The following COL12A1 variants were observed in gnomAD, a reference collection of about 807,000 sequenced individuals.
COL12A1 encodes the protein collagen type XII alpha 1 chain.
Under a neutral mutation model 349.7 loss-of-function variants are expected in COL12A1, and 114 were observed. That is an observed-to-expected ratio of 0.33 (90% CI 0.28 to 0.38). The LOEUF is 0.38. Ranked by LOEUF, COL12A1 falls within the 10% of genes least tolerant of loss-of-function variation. The pLI is 1.00. For missense variants in COL12A1, 3,284 were observed against 3,756.9 expected, an observed-to-expected ratio of 0.87 and a Z score of 3.29; for synonymous variants, 1,369 against 1,329.0, an observed-to-expected ratio of 1.03 and a Z score of -0.66.
intron 26 of COL12A1, among the ~76,000 whole-genome samples, 176 bp from the exon 27 acceptor site, chr6:75,142,337 G>A (rs1432494340): frequency 1.3e-5 from 2 of 151,760 alleles, no homozygotes; most frequent in African/African-American, 4.8e-5. Context: ...TTTCCAAACT[G>A]GAAAAAAAAT....
intron 14 of COL12A1, among the ~76,000 whole-genome samples, chr6:75,162,573 T>C (rs1386668027): frequency 6.6e-6 from 1 of 152,024 alleles, no homozygotes; most frequent in Non-Finnish European, 1.5e-5. Flanking sequence ...AGAAAACCTA[T>C]GCAATACCAT....
intron 31 of COL12A1, 125 bp downstream of exon 31, chr6:75,137,312 T>A: frequency 9.2e-6 from 8 of 865,068 alleles, no homozygotes; most frequent in Non-Finnish European, 1.4e-5. Flanking sequence ...GATTATTCCA[T>A]CCAATGCGAT....
intron 11 of COL12A1, among the ~76,000 whole-genome samples, chr6:75,178,178 A>G (rs1769077165): frequency 6.6e-6 from 1 of 152,224 alleles, no homozygotes; most frequent in African/African-American, 2.4e-5. Flanking sequence ...TTTTAATTAC[A>G]TAAAGATGTA....
intron 64 of COL12A1, among the ~76,000 whole-genome samples, chr6:75,088,570 C>T (rs1242015573): frequency 6.6e-6 from 1 of 151,912 alleles, no homozygotes; most frequent in East Asian, 1.9e-4. Context: ...TTCATTTCAT[C>T]ATATATTAAT....
Position 75,086,267 on chromosome 6 carries a change from C to T in COL12A1, c.*280G>A. ...TTATGCACCTCTTTCAAAACTGAGG[C>T]TCCTCATGGCTGTGTGTTGGAACTT... On this transcript the variant is annotated 3_prime_UTR_variant, in exon 66 of 66. Coordinates refer to ENST00000322507, the MANE Select transcript of COL12A1 (RefSeq NM_004370.6). 1 of 198,812 alleles carries T rather than the reference C, an allele frequency of 5.0e-6. No homozygotes were observed. Among genetic ancestry groups the T allele is most frequent in the East Asian group, 1.1e-4 (1 of 8,884 alleles). The allele number at this position is 198,812 out of a possible 1,614,324, so 12.3% of individuals were successfully genotyped here. A position where few individuals can be genotyped will look rare whatever the true frequency, so the allele number is the denominator to read the frequency against.
intron 12 of COL12A1, among the ~76,000 whole-genome samples, chr6:75,175,873 T>C (rs182466521): frequency 1.6e-4 from 24 of 152,358 alleles, no homozygotes; most frequent in African/African-American, 5.3e-4. Context: ...CCACCCATCC[T>C]TTTGTAGCTG....
In COL12A1 at chr6:75,133,832, C is replaced by T. The variant is rs766674075; in HGVS notation, c.5664+26G>A. On this transcript the variant is annotated intron_variant, in intron 33 of 65. Transcript: ENST00000322507. The stretch of plus-strand genomic sequence containing the variant: ...CTCAGCTACCATTTAAACAAACTAG[C>T]ATTTTTTACTACAAGAAATAATTAC... 19 of 1,612,958 alleles carry T rather than the reference C, an allele frequency of 1.2e-5. No individual in the cohort carries two copies. In the East Asian group the frequency reaches 3.8e-4, roughly 32 times the overall value.
rs1321117413 is a variant in COL12A1, at chr6:75,191,735, T to C, written c.360A>G (p.Pro120=). The change falls in exon 5 of 66, where the codon CCA becomes CCG. Residue 120 remains proline (P), a synonymous_variant. Transcript: ENST00000322507. ...LTIQTGSSTK[P]VEKKPGKTEI... ...CGGTTTTTCCAGGTTTCTTCTCCAC[T>C]GGCTTTGTCGAACTACCTGTTTGAA... The C allele has an allele frequency of 6.3e-7, 1 of 1,597,136 alleles. No individual in the cohort carries two copies. The highest frequency in any genetic ancestry group is 1.1e-5 in the South Asian group (1 of 88,606).
chr6:75,197,041 C>T (rs544654028), intron 2 of COL12A1, among the ~76,000 whole-genome samples: 18 of 152,092 alleles, frequency 1.2e-4, no homozygotes, highest in African/African-American at 3.9e-4. Context: ...ACAGAGAGCC[C>T]GCTTCACTTT....
rs774071422 is a variant in COL12A1, at chr6:75,130,974, A to C, written c.5945T>G (p.Val1982Gly). The change falls in exon 36 of 66, where the codon GTG becomes GGG. Residue 1982 changes from valine (V) to glycine (G), a missense_variant. Val to Gly is a moderately radical substitution (Grantham distance 109). This residue lies in a region of COL12A1 where 2,601 missense variants were observed against 2,824.8 expected (regional missense o/e 0.92). Transcript: ENST00000322507. The stretch of plus-strand genomic sequence containing the variant: ...ATGCACCATGCGCGTGTTTCCTGGC[A>C]CTACTATCTGCAGGAGAGGAAATGC... ...DGTRPSESIV[V>G]PGNTRMVHLE... 6.2e-7 allele frequency: 1 copy of C among 1,614,146 alleles called. No individual in the cohort carries two copies. Among genetic ancestry groups the C allele is most frequent in the Admixed American group, 1.7e-5 (1 of 60,016 alleles).
intron 2 of COL12A1, among the ~76,000 whole-genome samples, chr6:75,202,125 C>T (rs1272033445): frequency 6.6e-6 from 1 of 152,242 alleles, no homozygotes; most frequent in Admixed American, 6.5e-5. Context: ...CGTGCGAACA[C>T]CTGGGGTCCC....
chr6:75,099,444 T>G (rs1768200182), intron 58 of COL12A1, among the ~76,000 whole-genome samples: 1 of 152,238 alleles, frequency 6.6e-6, no homozygotes, highest in South Asian at 2.1e-4. Flanking sequence ...TTCTTTTTCA[T>G]TTTTTATCGT....
At chr6:75,154,634 A>C in intron 16 of COL12A1, 97 bp from the exon 17 acceptor site, 1 of 1,274,028 alleles carries the variant, frequency 7.8e-7, no homozygotes, top group African/African-American at 1.5e-5. Flanking sequence ...CTTGATTTAC[A>C]AGCTTACACT....
rs1165866556 is a variant in COL12A1, at chr6:75,105,212, G to T, written c.8259C>A (p.Gly2753=). 2 of 1,612,796 alleles carry T rather than the reference G, an allele frequency of 1.2e-6. No individual in the cohort carries two copies. Among genetic ancestry groups the T allele is most frequent in the South Asian group, 1.1e-5 (1 of 90,954 alleles). Residue 2753 remains glycine, a synonymous_variant, in exon 54 of 66, where the codon GGC becomes GGA. Coordinates refer to ENST00000322507, the MANE Select transcript of COL12A1 (RefSeq NM_004370.6). ...TCTATTTCAATTTCCTTACTGCAGG[G>T]CCTGGAGGTCCTGGAGGTCCAACGC... ...QDSVGPPGPP[G]PAGGPGAKGP... is the part of the protein sequence containing the mutation.
At chr6:75,110,373 AAC>A (rs752754711) in intron 51 of COL12A1, among the ~76,000 whole-genome samples, 1 of 152,078 alleles carries the variant, frequency 6.6e-6, no homozygotes, top group East Asian at 1.9e-4. Flanking sequence ...ACCATAGAGA[AAC>A]ACATTCTAAA....
rs1404225871 is a variant in COL12A1, at chr6:75,085,024, C to T, written c.*1523G>A. 1 of 327,576 alleles carries T rather than the reference C, an allele frequency of 3.1e-6. No homozygotes were observed. Among genetic ancestry groups the T allele is most frequent in the African/African-American group, 2.2e-5 (1 of 46,410 alleles). 20.3% of individuals were successfully genotyped at this position (327,576 alleles called of 1,614,324 possible). A position where few individuals can be genotyped will look rare whatever the true frequency, so the allele number is the denominator to read the frequency against. Reference sequence around the variant, plus strand: ...ATGTCTACAGACTGCGTGCTTGGAGCTAGGCTTCCTGCAGAAACAAGGTTC... The same window carrying T: ...ATGTCTACAGACTGCGTGCTTGGAGTTAGGCTTCCTGCAGAAACAAGGTTC... On this transcript the variant is annotated 3_prime_UTR_variant, in exon 66 of 66. Coordinates refer to ENST00000322507, the MANE Select transcript of COL12A1 (RefSeq NM_004370.6).
chr6:75,197,649 A>T (rs545052489), intron 2 of COL12A1, among the ~76,000 whole-genome samples: 60 of 152,304 alleles, frequency 3.9e-4, no homozygotes, highest in African/African-American at 1.3e-3. Flanking sequence ...CATATTGATT[A>T]TAACTGCAAA....
chr6:75,116,202 A>T (rs1458886809), intron 47 of COL12A1, 145 bp from the exon 48 acceptor site: 1 of 791,520 alleles, frequency 1.3e-6, no homozygotes, highest in South Asian at 1.8e-5. Flanking sequence ...TATTTTATAC[A>T]TTATTTCTTG....
At chr6:75,152,556 C>T (rs1767548437) in intron 17 of COL12A1, 74 bp from the exon 18 acceptor site, 1 of 1,544,744 alleles carries the variant, frequency 6.5e-7, no homozygotes, top group Non-Finnish European at 8.9e-7. Flanking sequence ...CACACCTCTA[C>T]CACTCCCTGG....
Sources: allele counts gnomAD v4.1 joint callset (sites outside exome capture counted in the v4.1 genomes callset), GRCh38; gene constraint gnomAD v4.1.1; regional missense constraint gnomAD v4.1.1; transcripts MANE v1.5; gene names NCBI Gene and HGNC (gene_info 2026-07-23, HGNC 2026-07-21).